ARL13B: variants seen among roughly 807,000 people sequenced by gnomAD.
ARL13B encodes the protein ARF like GTPase 13B.
ARL13B carries 36 observed loss-of-function variants against 56.1 expected under a neutral mutation model. That is an observed-to-expected ratio of 0.64 (90% CI 0.49 to 0.85). The LOEUF is 0.85. ARL13B is among the 40% of genes least tolerant of loss of function. ARL13B has a pLI of 0.00. For synonymous variants in ARL13B, 178 were observed against 171.1 expected (o/e 1.04, Z -0.32); for missense variants, 519 against 507.1 (o/e 1.02, Z -0.23).
At position 94,043,052 on chromosome 3, in the gene ARL13B, A is replaced by C; in HGVS notation, c.836A>C (p.Lys279Thr). The C allele has an allele frequency of 1.2e-6, 2 of 1,611,670 alleles. No individual in the cohort carries two copies. ...GKLEREKKNQ[K>T]MEKDSDGCHL... is the part of the protein sequence containing the mutation. The stretch of plus-strand genomic sequence containing the variant: ...CTTGAAAGAGAGAAAAAAAACCAAA[A>C]AATGGAGAAAGACAGTGATGGCTGC... The change falls in exon 7 of 10, where the codon AAA becomes ACA. Residue 279 changes from lysine to threonine, a missense_variant. Coordinates refer to ENST00000394222, the MANE Select transcript of ARL13B (RefSeq NM_001174150.2).
At chr3:94,050,719 G>C (rs1480212224) in intron 8 of ARL13B, 105 bp from the exon 9 acceptor site, 5 of 892,240 alleles carry the variant, frequency 5.6e-6, no homozygotes, top group Non-Finnish European at 7.1e-6. Context: ...TATTTGAATT[G>C]ACATTGAATG....
At chr3:94,021,456 A>C (rs956613017) in intron 3 of ARL13B, among the ~76,000 whole-genome samples, 1 of 152,014 alleles carries the variant, frequency 6.6e-6, no homozygotes, top group African/African-American at 2.4e-5. Flanking sequence ...CAGCCTCCCA[A>C]AGTGCTGGGA....
chr3:94,024,650 A>G (rs965758926), intron 3 of ARL13B, among the ~76,000 whole-genome samples: 15 of 152,268 alleles, frequency 9.9e-5, no homozygotes, highest in African/African-American at 2.4e-4. Flanking sequence ...TAGTGGCTCA[A>G]TTGCGGCTCA....
intron 2 of ARL13B, among the ~76,000 whole-genome samples, chr3:93,999,958 C>A (rs1018689711): frequency 1.3e-5 from 2 of 152,194 alleles, no homozygotes; most frequent in Non-Finnish European, 1.5e-5. Flanking sequence ...TGTTCTCCCT[C>A]ACCTACATGG....
chr3:93,997,092 A>G (rs2075980972), intron 2 of ARL13B, among the ~76,000 whole-genome samples: 1 of 152,014 alleles, frequency 6.6e-6, no homozygotes, highest in Non-Finnish European at 1.5e-5. Context: ...GGGACCATCT[A>G]GTTGCAGGAA....
intron 3 of ARL13B, among the ~76,000 whole-genome samples, chr3:94,029,984 A>C (rs71326810): frequency 2.0e-5 from 3 of 152,202 alleles, no homozygotes; most frequent in Non-Finnish European, 4.4e-5. Flanking sequence ...GTATATATAC[A>C]CAAATACATA....
At chr3:94,038,986 T>TGTTCCA (rs1224505041) in intron 5 of ARL13B, among the ~76,000 whole-genome samples, 4 of 152,186 alleles carry the variant, frequency 2.6e-5, no homozygotes, top group Non-Finnish European at 5.9e-5. Flanking sequence ...ATGGAAGTTA[T>TGTTCCA]TATCTAGTTC....
Position 94,055,325 on chromosome 3 carries a change from G to C in ARL13B, c.*2062G>C, listed in dbSNP as rs1033506726. 2.3e-6 allele frequency: 1 copy of C among 430,848 alleles called. No individual in the cohort carries two copies. The highest frequency in any genetic ancestry group is 4.6e-6 in the Non-Finnish European group (1 of 215,886). 26.7% of individuals were successfully genotyped at this position (430,848 alleles called of 1,614,324 possible). On this transcript the variant is annotated 3_prime_UTR_variant, in exon 10 of 10. Transcript: ENST00000394222. ...TTGGTAGATTTAAATGATTTCCTTT[G>C]GGTAATAAAATAGGTAAAGATTTTA...
chr3:94,024,083 G>C (rs559332659), intron 3 of ARL13B, among the ~76,000 whole-genome samples: 145 of 152,178 alleles, frequency 9.5e-4, no homozygotes, highest in South Asian at 2.5e-3. Flanking sequence ...CCAAATTTCT[G>C]TTTCCTTCTC....
chr3:93,984,000 A>AT (rs1710336394), intron 1 of ARL13B, among the ~76,000 whole-genome samples: 1 of 152,156 alleles, frequency 6.6e-6, no homozygotes, highest in Admixed American at 6.5e-5. Context: ...GTTACCACAT[A>AT]TTTTTTATGT....
At chr3:94,038,442 A>G (rs1016372244) in intron 5 of ARL13B, among the ~76,000 whole-genome samples, 1 of 149,874 alleles carries the variant, frequency 6.7e-6, no homozygotes, top group Non-Finnish European at 1.5e-5. Context: ...TTGCTATACC[A>G]TACTTACAGT....
chr3:93,981,865 CA>C (rs11396818), intron 1 of ARL13B, among the ~76,000 whole-genome samples: 1,052 of 68,392 alleles, frequency 0.015, 4 homozygotes, highest in African/African-American at 0.045. Flanking sequence ...AACCCTGTCT[CA>C]AAAAAAAAAA....
At chr3:94,050,166 GAAAAAAA>G (rs77813443) in intron 8 of ARL13B, among the ~76,000 whole-genome samples, 1 of 90,386 alleles carries the variant, frequency 1.1e-5, no homozygotes, top group Non-Finnish European at 2.2e-5. Flanking sequence ...TCCATCTCGG[GAAAAAAA>G]AAAAAAAAAA....
At chr3:94,009,168 T>C (rs529721021) in intron 3 of ARL13B, among the ~76,000 whole-genome samples, 1 of 152,198 alleles carries the variant, frequency 6.6e-6, no homozygotes, top group East Asian at 1.9e-4. Context: ...CCCAAGACCT[T>C]CTGAAATCAT....
chr3:94,044,761 G>C (rs1306510849), intron 7 of ARL13B, among the ~76,000 whole-genome samples: 1 of 143,904 alleles, frequency 6.9e-6, no homozygotes, highest in East Asian at 2.1e-4. Context: ...GCCTCTGCCC[G>C]GCCGCCCCGA....
intron 1 of ARL13B, among the ~76,000 whole-genome samples, chr3:93,992,825 C>T (rs865978120): frequency 1.3e-5 from 2 of 152,224 alleles, no homozygotes; most frequent in Middle Eastern, 3.4e-3. Flanking sequence ...CAGCATCTCA[C>T]TCTGTTGCCC....
At chr3:94,047,248 A>C (rs545978331) in intron 7 of ARL13B, among the ~76,000 whole-genome samples, 1 of 152,338 alleles carries the variant, frequency 6.6e-6, no homozygotes, top group Non-Finnish European at 1.5e-5. Context: ...GATACAGATT[A>C]GCTAACATGG....
At chr3:94,002,754 C>A (rs1029457330) in intron 2 of ARL13B, among the ~76,000 whole-genome samples, 1 of 152,186 alleles carries the variant, frequency 6.6e-6, no homozygotes, top group African/African-American at 2.4e-5. Flanking sequence ...TTAATTATAT[C>A]ATTGGTCTGC....
At chr3:93,999,349 C>A (rs1181476513) in intron 2 of ARL13B, among the ~76,000 whole-genome samples, 6 of 152,150 alleles carry the variant, frequency 3.9e-5, no homozygotes, top group African/African-American at 1.2e-4. Context: ...TCAAGCTATC[C>A]TCCTGCCTCA....
Sources: allele counts gnomAD v4.1 joint callset (sites outside exome capture counted in the v4.1 genomes callset), GRCh38; gene constraint gnomAD v4.1.1; transcripts MANE v1.5; gene names NCBI Gene and HGNC (gene_info 2026-07-23, HGNC 2026-07-21).